ERICH3: variants seen among roughly 807,000 people sequenced by gnomAD.
ERICH3 encodes the protein glutamate-rich protein 3.
In ERICH3, 126 loss-of-function variants were observed where a neutral mutation model predicts 131.1. That is an observed-to-expected ratio of 0.96 (90% CI 0.83 to 1.11). The LOEUF is 1.11. Among genes scored for constraint, ERICH3 ranks in the 50% most tolerant of loss-of-function variants. The pLI, the probability that ERICH3 is intolerant of heterozygous loss-of-function variation, is 0.00. For synonymous variants in ERICH3, 695 were observed against 644.6 expected, an observed-to-expected ratio of 1.08 and a Z score of -1.18; for missense variants, 2,050 against 1,810.7, an observed-to-expected ratio of 1.13 and a Z score of -2.40.
intron 11 of ERICH3, among the ~76,000 whole-genome samples, chr1:74,596,465 T>C (rs1054877480): frequency 6.6e-6 from 1 of 152,110 alleles, no homozygotes; most frequent in African/African-American, 2.4e-5. Flanking sequence ...GCATTCATCA[T>C]TTCTTTGTGG....
At chr1:74,647,063 A>C (rs907352341) in intron 2 of ERICH3, among the ~76,000 whole-genome samples, 2 of 152,046 alleles carry the variant, frequency 1.3e-5, no homozygotes, top group Admixed American at 1.3e-4. Context: ...ATCAACTTTC[A>C]CTTTTAATGA....
intron 9 of ERICH3, among the ~76,000 whole-genome samples, chr1:74,607,204 A>T (rs560375990): frequency 1.4e-4 from 22 of 152,052 alleles, no homozygotes; most frequent in South Asian, 1.2e-3. Flanking sequence ...CTGTGTCTTC[A>T]AGTATATTTT....
Position 74,572,360 on chromosome 1 carries a change from G to A in ERICH3, c.3350C>T (p.Ala1117Val), listed in dbSNP as rs1258987882. 6.2e-7 allele frequency: 1 copy of A among 1,613,736 alleles called. No homozygotes were observed. The change falls in exon 14 of 15, where the codon GCT (alanine) becomes GTT (valine). Residue 1117 changes from alanine to valine, a missense_variant. Coordinates refer to ENST00000326665, the MANE Select transcript of ERICH3 (RefSeq NM_001002912.5). The part of the protein sequence containing the change: ...TEVRAEEETK[A>V]PPNEMGSDAE... ...ATCAGATCCCATTTCATTTGGGGGA[G>A]CTTTTGTCTCTTCCTCAGCTCTTAC...
At chr1:74,603,112 C>A (rs796561286) in intron 10 of ERICH3, among the ~76,000 whole-genome samples, 1 of 151,830 alleles carries the variant, frequency 6.6e-6, no homozygotes. Context: ...GTCCCTTTCC[C>A]GAAGCCAGCC....
intron 1 of ERICH3, among the ~76,000 whole-genome samples, chr1:74,668,430 G>A (rs1244505791): frequency 5.3e-5 from 8 of 152,082 alleles, no homozygotes; most frequent in Non-Finnish European, 7.4e-5. Flanking sequence ...TTCATGACTG[G>A]GCAACAAATC....
chr1:74,645,888 A>G (rs1210815182), intron 3 of ERICH3, among the ~76,000 whole-genome samples: 1 of 152,090 alleles, frequency 6.6e-6, no homozygotes, highest in Non-Finnish European at 1.5e-5. Flanking sequence ...ACAGTTGTTC[A>G]TAAATGTTTA....
intron 1 of ERICH3, among the ~76,000 whole-genome samples, chr1:74,672,363 A>G (rs1316812551): frequency 6.6e-6 from 1 of 152,256 alleles, no homozygotes; most frequent in Non-Finnish European, 1.5e-5. Context: ...TAAAACAAAA[A>G]GTTTATGTAA....
chr1:74,651,764 G>A (rs1183018565), intron 1 of ERICH3, among the ~76,000 whole-genome samples: 1 of 152,014 alleles, frequency 6.6e-6, no homozygotes, highest in African/African-American at 2.4e-5. Flanking sequence ...AAATGAAGTG[G>A]GGGTCAAAAA....
chr1:74,570,234 G>T lies in ERICH3; in HGVS notation c.*224C>A, dbSNP rs576988680. On this transcript the variant is annotated 3_prime_UTR_variant, in exon 15 of 15. Transcript: ENST00000326665. Reference sequence around the variant, plus strand: ...ACAAGTTTCTCCATGAGGAACCACTGCTTCTAAGAAGGGTCCTACAGATCT... The same window carrying T: ...ACAAGTTTCTCCATGAGGAACCACTTCTTCTAAGAAGGGTCCTACAGATCT... The T allele has an allele frequency of 5.9e-5, 9 of 152,310 alleles. No individual in the cohort carries two copies. In the East Asian group the frequency reaches 1.7e-3, roughly 29 times the overall value. The allele number at this position is 152,310 out of a possible 1,614,324, so 9.4% of individuals were successfully genotyped here.
intron 1 of ERICH3, among the ~76,000 whole-genome samples, chr1:74,654,427 T>C (rs1312107553): frequency 3.3e-5 from 5 of 152,068 alleles, no homozygotes. Flanking sequence ...TTCTCTTAGT[T>C]TCTTTGGGGC....
chr1:74,664,310 T>A (rs1646669130), intron 1 of ERICH3, among the ~76,000 whole-genome samples: 1 of 146,576 alleles, frequency 6.8e-6, no homozygotes, highest in African/African-American at 2.5e-5. Context: ...AAAGGAAGAT[T>A]AAAAAAAAAA....
rs140097074 is a variant in ERICH3 at position 74,620,882 on chromosome 1, A to G, written c.852T>C (p.His284=). Residue 284 remains histidine (H), a synonymous_variant, in exon 8 of 15, where the codon CAT becomes CAC. Coordinates refer to ENST00000326665, the MANE Select transcript of ERICH3 (RefSeq NM_001002912.5). ...DSRRIHKTSL[H]SNAAITMIYL... ...AGATCATTGTAATAGCTGCATTACT[A>G]TGTAAGGATGTTTTATGAATCCTTC... The G allele has an allele frequency of 1.2e-4, 190 of 1,603,774 alleles. 1 individual carries two copies. In the African/African-American group the frequency reaches 2.3e-3, roughly 19 times the overall value.
At chr1:74,635,766 C>G (rs965858377) in intron 6 of ERICH3, among the ~76,000 whole-genome samples, 3 of 152,064 alleles carry the variant, frequency 2.0e-5, no homozygotes, top group African/African-American at 7.2e-5. Flanking sequence ...CAGAATCAAG[C>G]TCCTATGTGT....
rs1032453428 is a variant in ERICH3, at chr1:74,569,309, G to C, written c.*1149C>G. 6.6e-6 allele frequency: 1 copy of C among 152,102 alleles called. No homozygotes were observed. Among genetic ancestry groups the C allele is most frequent in the African/African-American group, 2.4e-5 (1 of 41,416 alleles). The allele number at this position is 152,102 out of a possible 1,614,324, so 9.4% of individuals were successfully genotyped here. On this transcript the variant is annotated 3_prime_UTR_variant, in exon 15 of 15. Coordinates refer to ENST00000326665, the MANE Select transcript of ERICH3 (RefSeq NM_001002912.5). ...GAAAATCTAATGTATATTCTGGCTG[G>C]AAAATCACTGCTTAAGGAAATTTTT...
chr1:74,589,669 T>C lies in ERICH3; in HGVS notation c.2138A>G (p.Lys713Arg). The C allele has an allele frequency of 6.2e-7, 1 of 1,614,044 alleles. No homozygotes were observed. Among genetic ancestry groups the C allele is most frequent in the Non-Finnish European group, 8.5e-7 (1 of 1,179,956 alleles). ...KLWEESTAQV[K>R]DKKAGLPGLE... is the part of the protein sequence containing the mutation. ...CCCAGGGAGACCTGCCTTTTTGTCCTTCACCTGAGCAGTGCTTTCTTCCCA... is the reference window on the plus strand; with the variant it reads ...CCCAGGGAGACCTGCCTTTTTGTCCCTCACCTGAGCAGTGCTTTCTTCCCA... The change falls in exon 12 of 15, where the codon AAG becomes AGG. Residue 713 changes from lysine (K) to arginine (R), a missense_variant. Lys to Arg is a conservative substitution (Grantham distance 26, BLOSUM62 2). Transcript: ENST00000326665.
At position 74,673,719 on chromosome 1, in the gene ERICH3, G is replaced by T. The variant is rs1173850403; in HGVS notation, c.-200C>A. 2.2e-6 allele frequency: 1 copy of T among 446,540 alleles called. No individual in the cohort carries two copies. The highest frequency in any genetic ancestry group is 2.1e-5 in the African/African-American group (1 of 48,128). 27.7% of individuals were successfully genotyped at this position (446,540 alleles called of 1,614,324 possible). On this transcript the variant is annotated 5_prime_UTR_variant, in exon 1 of 15. Transcript: ENST00000326665. ...CCTCCCGGGCTCCCACCCTCCGTTGGTATCCACAGCTTCCCTGTTGCTAAG... is the reference window on the plus strand; with the variant it reads ...CCTCCCGGGCTCCCACCCTCCGTTGTTATCCACAGCTTCCCTGTTGCTAAG...
At chr1:74,596,905 A>T (rs572521916) in intron 11 of ERICH3, among the ~76,000 whole-genome samples, 1 of 152,142 alleles carries the variant, frequency 6.6e-6, no homozygotes, top group South Asian at 2.1e-4. Flanking sequence ...AGGCAGGCCG[A>T]CACAATTGTT....
chr1:74,669,283 G>A (rs1646719912), intron 1 of ERICH3, among the ~76,000 whole-genome samples: 1 of 147,208 alleles, frequency 6.8e-6, no homozygotes, highest in Non-Finnish European at 1.5e-5. Flanking sequence ...CCTTTGAACA[G>A]TCTTTCAAAA....
intron 10 of ERICH3, 65 bp downstream of exon 10, chr1:74,606,536 A>G (rs1437329052): frequency 4.0e-6 from 6 of 1,482,196 alleles, no homozygotes; most frequent in Admixed American, 2.1e-5. Context: ...AATTTTGATC[A>G]TCACATTTCA....
Sources: gnomAD v4.1 joint callset for allele counts (sites outside exome capture counted in the v4.1 genomes callset) on GRCh38, gnomAD v4.1.1 for gene constraint, MANE v1.5 for transcripts, NCBI Gene and HGNC (gene_info 2026-07-23, HGNC 2026-07-21) for gene names.